SMCO4: variants seen among roughly 807,000 people sequenced by gnomAD.
The protein encoded by SMCO4 is single-pass membrane and coiled-coil domain-containing protein 4.
Under a neutral mutation model 3.6 loss-of-function variants are expected in SMCO4, and 4 were observed. The observed-to-expected ratio is 1.11, with a 90% CI of 0.54 to 2.53. The LOEUF (loss-of-function observed/expected upper bound fraction) is 2.53, where lower values mean the gene tolerates loss of function less well. Ranked by LOEUF, SMCO4 falls within the 30% of genes most tolerant of loss-of-function variation. SMCO4 has a pLI of 0.02. For missense variants in SMCO4, 70 were observed against 80.8 expected, an observed-to-expected ratio of 0.87 and a Z score of 0.51; for synonymous variants, 36 against 35.3, an observed-to-expected ratio of 1.02 and a Z score of -0.07.
intron 2 of SMCO4, among the ~76,000 whole-genome samples, chr11:93,482,656 G>A (rs1204245913): frequency 6.6e-6 from 1 of 152,224 alleles, no homozygotes; most frequent in Non-Finnish European, 1.5e-5. Context: ...TCAACTGTGA[G>A]AAGACAGAGG....
chr11:93,542,336 C>G (rs1949277727), intron 1 of SMCO4, among the ~76,000 whole-genome samples: 1 of 152,170 alleles, frequency 6.6e-6, no homozygotes. Context: ...GCAAGGGAGC[C>G]TGGAGCTTGG....
intron 1 of SMCO4, among the ~76,000 whole-genome samples, chr11:93,507,019 CTT>C (rs1269066016): frequency 6.6e-6 from 1 of 152,154 alleles, no homozygotes; most frequent in African/African-American, 2.4e-5. Flanking sequence ...TTTATAGACA[CTT>C]TGTCAAAAAT....
chr11:93,538,495 C>T lies in SMCO4; in HGVS notation c.-154+4781G>A, dbSNP rs113470644. Among the ~76,000 whole-genome samples the T allele has an allele frequency of 3.9e-5, 6 of 152,306 alleles. No homozygotes were observed. The South Asian group carries it at 1.2e-3, about 32-fold the overall frequency. On this transcript the variant is annotated intron_variant, in intron 1 of 2. Coordinates refer to ENST00000298966, the MANE Select transcript of SMCO4 (RefSeq NM_020179.3). ...TTTCCCAAAATGCAGTCTGAGGAAT[C>T]CAACTTCATTCTCTGCGATGCTCCT...
At chr11:93,543,224 C>G (rs1949287330) in intron 1 of SMCO4, 52 bp downstream of exon 1, 1 of 145,748 alleles carries the variant, frequency 6.9e-6, no homozygotes, top group South Asian at 1.9e-4. Context: ...CCGCGCCCGC[C>G]CGCCGGCTCG....
chr11:93,508,316 T>A (rs182191398), intron 1 of SMCO4, among the ~76,000 whole-genome samples: 1 of 152,270 alleles, frequency 6.6e-6, no homozygotes, highest in African/African-American at 2.4e-5. Flanking sequence ...GAAAATGGTA[T>A]GGACAGATTT....
At chr11:93,528,017 A>C (rs914532160) in intron 1 of SMCO4, among the ~76,000 whole-genome samples, 4 of 152,160 alleles carry the variant, frequency 2.6e-5, no homozygotes, top group African/African-American at 9.7e-5. Flanking sequence ...GCAAGTTCTT[A>C]CATTGTCTGG....
intron 2 of SMCO4, among the ~76,000 whole-genome samples, chr11:93,486,194 G>T (rs1359640596): frequency 6.6e-6 from 1 of 152,204 alleles, no homozygotes; most frequent in Non-Finnish European, 1.5e-5. Flanking sequence ...CCATTTTGCA[G>T]ACAAGGGAAC....
chr11:93,488,614 G>A (rs997208863), intron 2 of SMCO4, among the ~76,000 whole-genome samples: 1 of 152,182 alleles, frequency 6.6e-6, no homozygotes, highest in African/African-American at 2.4e-5. Flanking sequence ...TGTTGCCATT[G>A]AGAGAGGTGG....
chr11:93,550,158 C>T, the SMCO4 span, among the ~76,000 whole-genome samples: 1 of 152,340 alleles, frequency 6.6e-6, no homozygotes, highest in Non-Finnish European at 1.5e-5. Context: ...CCAAAGCATG[C>T]TCTCAAGCCA....
chr11:93,515,931 T>A (rs899079469), intron 1 of SMCO4, among the ~76,000 whole-genome samples: 3 of 152,180 alleles, frequency 2.0e-5, no homozygotes, highest in African/African-American at 7.2e-5. Flanking sequence ...CCCCTTTTAA[T>A]AGCTTTGACC....
intron 1 of SMCO4, among the ~76,000 whole-genome samples, chr11:93,532,779 C>A (rs1949175630): frequency 6.6e-6 from 1 of 152,180 alleles, no homozygotes; most frequent in Non-Finnish European, 1.5e-5. Flanking sequence ...TCAGAGCCCC[C>A]AGATCCATGG....
upstream of SMCO4, among the ~76,000 whole-genome samples, chr11:93,545,214 G>A (rs966664966): frequency 3.9e-5 from 6 of 152,300 alleles, no homozygotes; most frequent in African/African-American, 1.4e-4. Context: ...CAGAGCCACT[G>A]ATGTAGGACT....
chr11:93,552,322 T>C, the SMCO4 span, among the ~76,000 whole-genome samples: 1 of 151,244 alleles, frequency 6.6e-6, no homozygotes, highest in East Asian at 1.9e-4. Flanking sequence ...GTATTTTTAG[T>C]AGAGATGGGG....
chr11:93,479,677 T>C (rs776587205), intron 2 of SMCO4, among the ~76,000 whole-genome samples: 14 of 152,330 alleles, frequency 9.2e-5, no homozygotes, highest in African/African-American at 3.1e-4. Context: ...AGCATGGAAC[T>C]GCAGGCAGCC....
Position 93,488,085 on chromosome 11 carries a change from T to C in SMCO4, c.-80-8816A>G, listed in dbSNP as rs544030758. ...TGTGTCAGATGATGCTATGTGCTGCTGGAGGCGCAGAGGCTGTAAATTTAG... is the reference window on the plus strand; with the variant it reads ...TGTGTCAGATGATGCTATGTGCTGCCGGAGGCGCAGAGGCTGTAAATTTAG... On this transcript the variant is annotated intron_variant, in intron 2 of 2. Coordinates refer to ENST00000298966, the MANE Select transcript of SMCO4 (RefSeq NM_020179.3). 3.9e-5 allele frequency among the ~76,000 whole-genome samples: 6 copies of C among 152,306 alleles called. No individual in the cohort carries two copies. The East Asian group carries it at 1.2e-3, about 29-fold the overall frequency.
intron 1 of SMCO4, among the ~76,000 whole-genome samples, chr11:93,528,908 A>G (rs1412488468): frequency 1.3e-5 from 2 of 152,094 alleles, no homozygotes; most frequent in African/African-American, 4.8e-5. Context: ...CATCCAATAC[A>G]TCCTGTCCAT....
intron 1 of SMCO4, among the ~76,000 whole-genome samples, chr11:93,506,690 C>T (rs1455357934): frequency 6.6e-6 from 1 of 152,184 alleles, no homozygotes; most frequent in Non-Finnish European, 1.5e-5. Context: ...ATCCAACCGC[C>T]TCGGCCTCCC....
At chr11:93,514,135 G>A (rs947704024) in intron 1 of SMCO4, among the ~76,000 whole-genome samples, 5 of 151,966 alleles carry the variant, frequency 3.3e-5, no homozygotes, top group Admixed American at 3.3e-4. Context: ...TCCTGAGAAG[G>A]CCATTTCCAG....
intron 2 of SMCO4, among the ~76,000 whole-genome samples, chr11:93,498,493 C>CG (rs1241648599): frequency 6.6e-6 from 1 of 152,162 alleles, no homozygotes; most frequent in African/African-American, 2.4e-5. Context: ...CCGCCACAAG[C>CG]GGAGAAGGGG....
Sources: allele counts gnomAD v4.1 joint callset (sites outside exome capture counted in the v4.1 genomes callset), GRCh38; gene constraint gnomAD v4.1.1; transcripts MANE v1.5; gene names NCBI Gene and HGNC (gene_info 2026-07-23, HGNC 2026-07-21).